SYN3: variants seen among roughly 807,000 people sequenced by gnomAD.
SYN3 encodes the protein synapsin-3.
SYN3 carries 35 observed loss-of-function variants against 65.8 expected under a neutral mutation model. The observed-to-expected ratio is 0.53, with a 90% confidence interval of 0.41 to 0.70. The LOEUF (loss-of-function observed/expected upper bound fraction) is 0.70. SYN3 is among the 30% of genes least tolerant of loss of function. The pLI, the probability that SYN3 is intolerant of heterozygous loss-of-function variation, is 0.00. For synonymous variants in SYN3, 270 were observed against 292.9 expected (o/e 0.92, Z 0.80); for missense variants, 680 against 749.0 (o/e 0.91, Z 1.08).
intron 3 of SYN3, among the ~76,000 whole-genome samples, chr22:32,979,087 C>T (rs1335634876): frequency 2.6e-5 from 4 of 151,316 alleles, no homozygotes; most frequent in Non-Finnish European, 5.9e-5. Context: ...GTCCCAGCTA[C>T]TCAGGAGGCT....
At chr22:32,681,748 T>C (rs1014446033) in intron 6 of SYN3, among the ~76,000 whole-genome samples, 1 of 152,208 alleles carries the variant, frequency 6.6e-6, no homozygotes, top group Non-Finnish European at 1.5e-5. Context: ...TTAGTGGATA[T>C]AGCAAACAAA....
intron 6 of SYN3, among the ~76,000 whole-genome samples, chr22:32,748,868 T>C (rs1405725688): frequency 6.6e-6 from 1 of 152,180 alleles, no homozygotes; most frequent in Non-Finnish European, 1.5e-5. Flanking sequence ...AGCCAACCCA[T>C]GGCACGGTTC....
At chr22:32,627,074 G>A (rs929048130) in intron 6 of SYN3, among the ~76,000 whole-genome samples, 1 of 152,102 alleles carries the variant, frequency 6.6e-6, no homozygotes, top group Non-Finnish European at 1.5e-5. Context: ...GGCGTCGAGG[G>A]GTAGCGAGCT....
chr22:32,686,992 G>A (rs2060599399), intron 6 of SYN3, among the ~76,000 whole-genome samples: 1 of 152,012 alleles, frequency 6.6e-6, no homozygotes, highest in African/African-American at 2.4e-5. Flanking sequence ...AGGAGTTGTT[G>A]CTTCTCAGAC....
At chr22:32,858,278 G>T (rs979235637) in intron 6 of SYN3, 6 of 1,230,072 alleles carry the variant, frequency 4.9e-6, no homozygotes, top group Non-Finnish European at 6.7e-6. Flanking sequence ...GGGCAGGTCT[G>T]AGCAGATATA....
intron 7 of SYN3, among the ~76,000 whole-genome samples, chr22:32,557,936 G>C (rs952040197): frequency 6.6e-6 from 1 of 152,212 alleles, no homozygotes; most frequent in African/African-American, 2.4e-5. Context: ...CAGGTCAGAA[G>C]TTTTTTCTCT....
intron 6 of SYN3, among the ~76,000 whole-genome samples, chr22:32,686,077 T>C (rs1440419848): frequency 2.0e-5 from 3 of 152,228 alleles, no homozygotes; most frequent in Non-Finnish European, 4.4e-5. Context: ...TACAAGAGGC[T>C]TTTATAATGT....
At chr22:32,945,557 C>T (rs541104348) in intron 3 of SYN3, among the ~76,000 whole-genome samples, 9 of 152,334 alleles carry the variant, frequency 5.9e-5, no homozygotes, top group African/African-American at 2.2e-4. Flanking sequence ...GGATTAAAGA[C>T]TTAAATGTTA....
intron 7 of SYN3, among the ~76,000 whole-genome samples, chr22:32,581,776 TTTTCTTTC>T (rs767792571): frequency 1.5e-5 from 1 of 66,638 alleles, no homozygotes; most frequent in Middle Eastern, 0.011. Context: ...TTTTCTTTTC[TTTTCTTTC>T]TTTCTTTCTT....
chr22:32,780,239 T>C (rs1212966422), intron 6 of SYN3, among the ~76,000 whole-genome samples: 3 of 152,100 alleles, frequency 2.0e-5, no homozygotes, highest in Non-Finnish European at 4.4e-5. Context: ...TGTGCTTTGC[T>C]GAACTGTGCT....
intron 4 of SYN3, among the ~76,000 whole-genome samples, chr22:32,929,351 A>G (rs1252822459): frequency 7.2e-6 from 1 of 139,544 alleles, no homozygotes; most frequent in African/African-American, 2.5e-5. Flanking sequence ...AGATATCTCC[A>G]TACCTGATTT....
chr22:32,562,161 G>C (rs1016815489), intron 7 of SYN3, among the ~76,000 whole-genome samples: 2 of 152,148 alleles, frequency 1.3e-5, no homozygotes, highest in African/African-American at 4.8e-5. Context: ...AATTCTGAAA[G>C]GCACATATTC....
At chr22:32,925,487 C>A (rs900551544) in intron 4 of SYN3, among the ~76,000 whole-genome samples, 1 of 152,196 alleles carries the variant, frequency 6.6e-6, no homozygotes, top group African/African-American at 2.4e-5. Context: ...TTAGCAAATA[C>A]CTGGAACATT....
intron 3 of SYN3, among the ~76,000 whole-genome samples, chr22:32,964,301 G>GGATA (rs1474056367): frequency 8.8e-6 from 1 of 114,202 alleles, no homozygotes; most frequent in African/African-American, 3.4e-5. Flanking sequence ...GAGGGGGGAG[G>GGATA]GATAGCATTA....
At chr22:32,962,772 T>C (rs1199371145) in intron 3 of SYN3, among the ~76,000 whole-genome samples, 1 of 152,128 alleles carries the variant, frequency 6.6e-6, no homozygotes, top group Non-Finnish European at 1.5e-5. Flanking sequence ...AATTGGGTTA[T>C]AGATAGTAAA....
intron 2 of SYN3, among the ~76,000 whole-genome samples, chr22:32,998,097 T>C (rs1480577532): frequency 1.3e-5 from 2 of 151,840 alleles, no homozygotes; most frequent in Non-Finnish European, 2.9e-5. Context: ...AACCTTGTCA[T>C]TGCCAATAAC....
intron 1 of SYN3, chr22:33,058,008 C>G (rs1237394386): frequency 6.6e-6 from 1 of 152,498 alleles, no homozygotes; most frequent in Non-Finnish European, 1.5e-5. Context: ...CACAGTCTTG[C>G]GCGCCCCCGG....
rs35196379 is a variant in SYN3 at position 33,032,210 on chromosome 22, T to TA, written c.-162-25387dup. Among the ~76,000 whole-genome samples the TA allele has an allele frequency of 2.4e-3, 328 of 135,140 alleles. 1 individual carries two copies. Among genetic ancestry groups the TA allele is most frequent in the Middle Eastern group, 0.014 (3 of 220 alleles). The allele number at this position is 135,140 out of a possible 152,430, so 88.7% of individuals were successfully genotyped here. On this transcript the variant is annotated intron_variant, in intron 1 of 13. Coordinates refer to ENST00000358763, the MANE Select transcript of SYN3 (RefSeq NM_003490.4). The stretch of plus-strand genomic sequence containing the variant: ...GGGTGACAGAGCAAGGCTCTGTCTT[T>TA]AAAAAAAAAAAAAAATGCTGGGCAT...
intron 6 of SYN3, among the ~76,000 whole-genome samples, chr22:32,601,927 A>G (rs1601731985): frequency 6.7e-6 from 1 of 150,130 alleles, no homozygotes; most frequent in Non-Finnish European, 1.5e-5. Context: ...GCACTCCCAG[A>G]GCTTTTCTTT....
Sources: allele counts gnomAD v4.1 joint callset (sites outside exome capture counted in the v4.1 genomes callset), GRCh38; gene constraint gnomAD v4.1.1; transcripts MANE v1.5; gene names NCBI Gene and HGNC (gene_info 2026-07-23, HGNC 2026-07-21).